UTRN: variants seen among roughly 807,000 people sequenced by gnomAD.
The protein encoded by UTRN is utrophin.
A neutral mutation model predicts 463.9 loss-of-function variants in UTRN; 283 were observed. The observed-to-expected ratio is 0.61, with a 90% confidence interval of 0.55 to 0.67. The LOEUF (loss-of-function observed/expected upper bound fraction) is 0.67. Ranked by LOEUF, UTRN falls within the 30% of genes least tolerant of loss-of-function variation. UTRN has a pLI of 0.00. For missense variants in UTRN, 3,922 were observed against 4,084.3 expected, an observed-to-expected ratio of 0.96 and a Z score of 1.08; for synonymous variants, 1,442 against 1,431.5, an observed-to-expected ratio of 1.01 and a Z score of -0.17.
chr6:144,588,274 A>G (rs146725553), intron 51 of UTRN, among the ~76,000 whole-genome samples: 90 of 152,268 alleles, frequency 5.9e-4, no homozygotes, highest in African/African-American at 2.1e-3. Flanking sequence ...CCAAGTTGAT[A>G]TGTGTTGTCA....
intron 54 of UTRN, 48 bp downstream of exon 54, chr6:144,730,534 CA>C: frequency 1.0e-5 from 15 of 1,476,362 alleles, no homozygotes; most frequent in Middle Eastern, 1.8e-4. Context: ...GCTAGGAGAA[CA>C]AAAAACCCAA....
chr6:144,556,243 T>C (rs1415500058), intron 49 of UTRN, among the ~76,000 whole-genome samples: 1 of 152,220 alleles, frequency 6.6e-6, no homozygotes, highest in Non-Finnish European at 1.5e-5. Flanking sequence ...AGTATGTTTT[T>C]ATTCTCCACA....
At chr6:144,702,289 G>A (rs767393166) in intron 53 of UTRN, among the ~76,000 whole-genome samples, 1 of 152,170 alleles carries the variant, frequency 6.6e-6, no homozygotes, top group Admixed American at 6.5e-5. Flanking sequence ...CTGGATTTAG[G>A]TTGTGTTTTG....
Position 144,458,805 on chromosome 6 carries a change from G to C in UTRN, c.2320G>C (p.Glu774Gln). ...TACTGAAGAAATAAAAAATGTTCTG[G>C]AGAAGGTTTCATCAGAATGGAAGAA... is the stretch of plus-strand genomic sequence containing the variant. ...LPTEEIKNVL[E>Q]KVSSEWKNVS... Residue 774 changes from glutamate (E) to glutamine (Q), a missense_variant, in exon 20 of 75, where the codon GAG becomes CAG. By Grantham distance (29) the Glu-to-Gln change is conservative (BLOSUM62 2). Coordinates refer to ENST00000367545, the MANE Select transcript of UTRN (RefSeq NM_007124.3). 1 of 1,606,928 alleles carries C rather than the reference G, an allele frequency of 6.2e-7. No homozygotes were observed.
rs75513466 is a variant in UTRN at position 144,808,430 on chromosome 6, C to G, written c.9357+5283C>G. 3.7e-3 allele frequency among the ~76,000 whole-genome samples: 570 copies of G among 152,178 alleles called. 5 individuals are homozygous for G. The highest frequency in any genetic ancestry group is 5.9e-3 in the Non-Finnish European group (404 of 67,984). On this transcript the variant is annotated intron_variant, in intron 65 of 74. Transcript: ENST00000367545. ...ATTTCATCGTGAAAATTACCCTACTCAGATCTTCTTTAAAATCATCTTTGT... is the reference window on the plus strand; with the variant it reads ...ATTTCATCGTGAAAATTACCCTACTGAGATCTTCTTTAAAATCATCTTTGT...
intron 65 of UTRN, among the ~76,000 whole-genome samples, chr6:144,816,373 T>G (rs1779077876): frequency 6.6e-6 from 1 of 152,164 alleles, no homozygotes; most frequent in South Asian, 2.1e-4. Context: ...AAAAATGAAG[T>G]TGATGGTAAT....
At chr6:144,715,113 G>C (rs1455548110) in intron 53 of UTRN, among the ~76,000 whole-genome samples, 1 of 152,060 alleles carries the variant, frequency 6.6e-6, no homozygotes, top group Non-Finnish European at 1.5e-5. Flanking sequence ...ATCTCTACTT[G>C]AGTGTGTAAT....
chr6:144,845,231 T>G (rs1333413540), intron 73 of UTRN, among the ~76,000 whole-genome samples: 1 of 152,248 alleles, frequency 6.6e-6, no homozygotes, highest in Non-Finnish European at 1.5e-5. Context: ...TACTGCCAAT[T>G]AACAAGTGTA....
At chr6:144,842,295 C>A (rs944180350) in intron 73 of UTRN, among the ~76,000 whole-genome samples, 1 of 151,994 alleles carries the variant, frequency 6.6e-6, no homozygotes, top group Non-Finnish European at 1.5e-5. Flanking sequence ...AAATATATTT[C>A]TGGCCCAGGT....
chr6:144,620,568 A>C (rs1485630506), intron 51 of UTRN, among the ~76,000 whole-genome samples: 1 of 152,116 alleles, frequency 6.6e-6, no homozygotes, highest in East Asian at 1.9e-4. Context: ...ACAGCATCCA[A>C]GATAATACTG....
chr6:144,559,358 T>G (rs184048078), intron 50 of UTRN, among the ~76,000 whole-genome samples: 170 of 152,266 alleles, frequency 1.1e-3, no homozygotes, highest in African/African-American at 3.9e-3. Flanking sequence ...TTTAGATATA[T>G]TGTTATCTAT....
intron 34 of UTRN, among the ~76,000 whole-genome samples, chr6:144,507,026 C>G (rs190072325): frequency 2.6e-4 from 39 of 152,078 alleles, no homozygotes; most frequent in African/African-American, 9.4e-4. Flanking sequence ...TCTTCAATCT[C>G]TGATATGCTT....
intron 50 of UTRN, among the ~76,000 whole-genome samples, chr6:144,566,121 A>G (rs1176582031): frequency 1.3e-5 from 2 of 152,172 alleles, no homozygotes; most frequent in African/African-American, 2.4e-5. Context: ...AGAAAAGTCA[A>G]CGAGAAGGTG....
intron 1 of UTRN, among the ~76,000 whole-genome samples, chr6:144,290,987 G>T (rs1408848715): frequency 2.0e-5 from 3 of 151,196 alleles, no homozygotes; most frequent in African/African-American, 7.3e-5. Context: ...TGCTGGCCAG[G>T]CTGGTCTCGA....
chr6:144,826,635 G>T (rs1198143057), intron 66 of UTRN, among the ~76,000 whole-genome samples: 2 of 152,074 alleles, frequency 1.3e-5, no homozygotes, highest in Non-Finnish European at 2.9e-5. Context: ...CCAGACACAA[G>T]CCCCTGAGTC....
chr6:144,440,281 A>G, intron 12 of UTRN, 71 bp from the exon 13 acceptor site: 1 of 1,530,972 alleles, frequency 6.5e-7, no homozygotes, highest in Admixed American at 1.7e-5. Context: ...ATTACTATTG[A>G]CAACTGAGTG....
chr6:144,440,319 G>C (rs1353734254), intron 12 of UTRN, 33 bp from the exon 13 acceptor site: 1 of 1,612,554 alleles, frequency 6.2e-7, no homozygotes. Context: ...TGTGAAAGTA[G>C]AAATAATGGT....
intron 2 of UTRN, among the ~76,000 whole-genome samples, chr6:144,376,628 G>T (rs967421295): frequency 7.9e-5 from 12 of 151,928 alleles, no homozygotes; most frequent in Non-Finnish European, 4.4e-5. Context: ...AATTTTTCTA[G>T]AAAGATTTCT....
intron 14 of UTRN, among the ~76,000 whole-genome samples, chr6:144,446,325 A>G (rs916218011): frequency 2.6e-5 from 4 of 152,166 alleles, no homozygotes; most frequent in African/African-American, 9.7e-5. Flanking sequence ...ATTTATGTGC[A>G]TATCTTACCA....
Sources: allele counts gnomAD v4.1 joint callset (sites outside exome capture counted in the v4.1 genomes callset), GRCh38; gene constraint gnomAD v4.1.1; transcripts MANE v1.5; gene names NCBI Gene and HGNC (gene_info 2026-07-23, HGNC 2026-07-21).